The following SMCHD1 variants were observed in gnomAD, a reference collection of about 807,000 sequenced individuals.
The protein encoded by SMCHD1 is structural maintenance of chromosomes flexible hinge domain-containing protein 1.
SMCHD1 carries 78 observed loss-of-function variants against 254.7 expected under a neutral mutation model. That is an observed-to-expected ratio of 0.31 (90% CI 0.26 to 0.37). SMCHD1 has a LOEUF of 0.37. Ranked by LOEUF, SMCHD1 falls within the 10% of genes least tolerant of loss-of-function variation. SMCHD1 has a pLI of 1.00. For missense variants in SMCHD1, 1,840 were observed against 2,408.1 expected (o/e 0.76, Z 4.94); for synonymous variants, 766 against 794.9 (o/e 0.96, Z 0.61).
intron 41 of SMCHD1, among the ~76,000 whole-genome samples, chr18:2,774,527 T>C (rs930077847): frequency 1.3e-5 from 2 of 152,076 alleles, no homozygotes; most frequent in African/African-American, 4.8e-5. Flanking sequence ...TCCTCCCACC[T>C]CAGCACCCAA....
At position 2,745,944 on chromosome 18, in the gene SMCHD1, A is replaced by G. The variant is rs2075446135; in HGVS notation, c.3802-1578A>G. ...ACCTTCCCCCTGATAGGATCTGTGC[A>G]GAGAGGAGGAACTGATATAATACAT... is the stretch of plus-strand genomic sequence containing the variant. On this transcript the variant is annotated intron_variant, in intron 29 of 47. Coordinates refer to ENST00000320876, the MANE Select transcript of SMCHD1 (RefSeq NM_015295.3). 2.0e-5 allele frequency among the ~76,000 whole-genome samples: 3 copies of G among 152,172 alleles called. No individual in the cohort carries two copies. The South Asian group carries it at 6.2e-4, about 32-fold the overall frequency.
intron 3 of SMCHD1, 51 bp downstream of exon 3, chr18:2,667,082 C>T: frequency 7.7e-7 from 1 of 1,306,398 alleles, no homozygotes. Context: ...TGCCTTTATC[C>T]CCTGATTACG....
chr18:2,657,115 T>G (rs751067259), intron 1 of SMCHD1, among the ~76,000 whole-genome samples: 3 of 152,190 alleles, frequency 2.0e-5, no homozygotes, highest in Non-Finnish European at 4.4e-5. Context: ...TTAAGAACAC[T>G]TAGCGTCCAA....
intron 17 of SMCHD1, among the ~76,000 whole-genome samples, chr18:2,716,999 C>T (rs953816954): frequency 1.3e-5 from 2 of 152,228 alleles, no homozygotes; most frequent in Non-Finnish European, 2.9e-5. Context: ...CCTCTCAATT[C>T]TGGTTGTGGA....
chr18:2,682,736 A>G (rs2073962070), intron 5 of SMCHD1, among the ~76,000 whole-genome samples: 1 of 152,200 alleles, frequency 6.6e-6, no homozygotes, highest in African/African-American at 2.4e-5. Flanking sequence ...ATTTTCTGAA[A>G]TATTTTTGGA....
intron 25 of SMCHD1, among the ~76,000 whole-genome samples, chr18:2,737,556 A>G (rs1378879702): frequency 1.4e-5 from 2 of 146,006 alleles, no homozygotes; most frequent in East Asian, 2.2e-4. Flanking sequence ...CCACATCTCA[A>G]CAAAAAATTA....
rs372318994 is a variant in SMCHD1 at position 2,784,722 on chromosome 18, TGTAA to T, written c.5719+110_5719+113del. The T allele has an allele frequency of 9.6e-5, 121 of 1,258,780 alleles. 2 individuals carry two copies. In the South Asian group the frequency reaches 1.1e-3, roughly 11 times the overall value. 78.0% of individuals were successfully genotyped at this position (1,258,780 alleles called of 1,614,324 possible). A position where few individuals can be genotyped will look rare whatever the true frequency, so the allele number is the denominator to read the frequency against. On this transcript the variant is annotated intron_variant, in intron 45 of 47. Transcript: ENST00000320876. ...GAATCTAACATGAAAAATTAACAAA[TGTAA>T]GTAAGTAACAAATGTAAGTAAGATG...
chr18:2,719,803 G>A (rs946049307), intron 19 of SMCHD1, among the ~76,000 whole-genome samples: 3 of 151,952 alleles, frequency 2.0e-5, no homozygotes, highest in African/African-American at 7.3e-5. Context: ...AGCCTCCCGG[G>A]TAGCTGGGAT....
intron 3 of SMCHD1, among the ~76,000 whole-genome samples, chr18:2,671,156 A>G (rs1333635042): frequency 1.3e-5 from 2 of 151,676 alleles, no homozygotes; most frequent in African/African-American, 4.8e-5. Flanking sequence ...GGCTGGTCTC[A>G]AACCCCTGAC....
intron 21 of SMCHD1, 116 bp from the exon 22 acceptor site, chr18:2,726,332 GGTAA>G (rs2075026574): frequency 2.0e-6 from 1 of 511,908 alleles, no homozygotes; most frequent in Non-Finnish European, 3.4e-6. Flanking sequence ...GTATAAAGTT[GGTAA>G]GTAATTTCTA....
At chr18:2,675,043 C>G (rs1266600539) in intron 5 of SMCHD1, among the ~76,000 whole-genome samples, 1 of 152,202 alleles carries the variant, frequency 6.6e-6, no homozygotes, top group East Asian at 1.9e-4. Flanking sequence ...AGCCTTGCCA[C>G]TTACTAATCG....
At chr18:2,666,132 T>A in intron 1 of SMCHD1, 25 bp from the exon 2 acceptor site, 2 of 1,090,734 alleles carry the variant, frequency 1.8e-6, no homozygotes, top group Non-Finnish European at 2.7e-6. Flanking sequence ...GTGTAATAAG[T>A]GATTTTATTT....
intron 21 of SMCHD1, among the ~76,000 whole-genome samples, chr18:2,725,342 T>C (rs1320728042): frequency 6.6e-6 from 1 of 151,894 alleles, no homozygotes; most frequent in East Asian, 1.9e-4. Flanking sequence ...TGTCCACTTT[T>C]GAATATTTTT....
intron 1 of SMCHD1, among the ~76,000 whole-genome samples, chr18:2,659,626 C>T (rs2073182676): frequency 1.3e-5 from 2 of 152,042 alleles, no homozygotes; most frequent in Non-Finnish European, 2.9e-5. Flanking sequence ...GTGCATATCC[C>T]CCCACCACCA....
intron 12 of SMCHD1, among the ~76,000 whole-genome samples, chr18:2,701,562 A>G (rs1482193966): frequency 6.6e-6 from 1 of 152,236 alleles, no homozygotes; most frequent in Non-Finnish European, 1.5e-5. Context: ...ATATTTGTAT[A>G]TTAATAACCT....
chr18:2,779,843 T>C (rs2076125452), intron 44 of SMCHD1, among the ~76,000 whole-genome samples: 1 of 151,630 alleles, frequency 6.6e-6, no homozygotes, highest in Non-Finnish European at 1.5e-5. Flanking sequence ...AAATAAAAAT[T>C]GTTAAAGAGG....
chr18:2,793,538 G>A (rs1014920129), intron 45 of SMCHD1, among the ~76,000 whole-genome samples: 9 of 151,822 alleles, frequency 5.9e-5, no homozygotes, highest in East Asian at 1.9e-4. Context: ...GGTGGCGGGC[G>A]CCTGTAGTCC....
At position 2,803,233 on chromosome 18, in the gene SMCHD1, A is replaced by G. The variant is rs1483830268; in HGVS notation, c.*681A>G. On this transcript the variant is annotated 3_prime_UTR_variant, in exon 48 of 48. Transcript: ENST00000320876. Reference sequence around the variant, plus strand: ...ATATATATATAAATATATATATATAAAATATTCAGCAGCACCAAGTTTTAT... The same window carrying G: ...ATATATATATAAATATATATATATAGAATATTCAGCAGCACCAAGTTTTAT... 2.0e-5 allele frequency: 3 copies of G among 146,932 alleles called. No homozygotes were observed. Among genetic ancestry groups the G allele is most frequent in the African/African-American group, 7.4e-5 (3 of 40,498 alleles). The allele number at this position is 146,932 out of a possible 1,614,324, so 9.1% of individuals were successfully genotyped here. A position where few individuals can be genotyped will look rare whatever the true frequency, so the allele number is the denominator to read the frequency against.
intron 5 of SMCHD1, among the ~76,000 whole-genome samples, chr18:2,684,054 A>G (rs1454035996): frequency 6.6e-6 from 1 of 152,126 alleles, no homozygotes; most frequent in Non-Finnish European, 1.5e-5. Context: ...GTATTTTTGA[A>G]TTTGAGATGC....
Sources: allele counts gnomAD v4.1 joint callset (sites outside exome capture counted in the v4.1 genomes callset), GRCh38; gene constraint gnomAD v4.1.1; transcripts MANE v1.5; gene names NCBI Gene and HGNC (gene_info 2026-07-23, HGNC 2026-07-21).